The following DMD variants were observed in gnomAD, a reference collection of about 807,000 sequenced individuals.
DMD encodes the protein mutant dystrophin.
DMD carries 63 observed loss-of-function variants against 330.1 expected under a neutral mutation model. The ratio of observed to expected loss-of-function variants is 0.19; its 90% CI spans 0.16 to 0.24. The LOEUF (loss-of-function observed/expected upper bound fraction) is 0.24, where lower values mean the gene tolerates loss of function less well. Among genes scored for constraint, DMD ranks in the 10% least tolerant of loss-of-function variants. The pLI is 1.00. For synonymous variants in DMD, 1,223 were observed against 959.8 expected (o/e 1.27, Z -5.07); for missense variants, 3,344 against 2,684.1 (o/e 1.25, Z -5.43).
At chrX:32,841,315 C>T (rs748986508) in intron 4 of DMD, among the ~76,000 whole-genome samples, 1 of 111,282 alleles carries the variant, frequency 9.0e-6, no homozygotes, top group Non-Finnish European at 1.9e-5. Context: ...ATAGATTTAA[C>T]TCAATGTTAA....
At chrX:33,315,223 A>G (rs1346063006) in intron 1 of DMD, among the ~76,000 whole-genome samples, 1 of 112,520 alleles carries the variant, frequency 8.9e-6, no homozygotes, top group Admixed American at 9.4e-5. Flanking sequence ...TCAAATCTGC[A>G]AAGTAAACTT....
chrX:33,010,041 CACATGTGTATATAT>C (rs1287218575), intron 2 of DMD, among the ~76,000 whole-genome samples: 1 of 62,247 alleles, frequency 1.6e-5, no homozygotes, highest in Admixed American at 1.9e-4. Flanking sequence ...TGTGTATATA[CACATGTGTATATAT>C]ACGTGTATAT....
At chrX:32,551,077 A>G (rs939630443) in intron 16 of DMD, among the ~76,000 whole-genome samples, 3 of 111,419 alleles carry the variant, frequency 2.7e-5, no homozygotes, top group Admixed American at 9.6e-5. Context: ...AGCTGGTATC[A>G]TTCCTATGAA....
rs752682311 is a variant in DMD at position 32,876,555 on chromosome X, CA to C, written c.94-26736del. Among the ~76,000 whole-genome samples the C allele has an allele frequency of 6.8e-4, 76 of 111,370 alleles. 1 individual carries two copies. The East Asian group carries it at 0.014, about 20-fold the overall frequency. On this transcript the variant is annotated intron_variant, in intron 2 of 78. Coordinates refer to ENST00000357033, the MANE Select transcript of DMD (RefSeq NM_004006.3). ...CTTGCCATTCCTTTATAACCAACTC[CA>C]AAAAAAGTCCCTCCTGATCTTGCGG...
intron 2 of DMD, among the ~76,000 whole-genome samples, chrX:32,942,445 AG>A (rs372099877): frequency 2.0e-4 from 22 of 111,272 alleles, no homozygotes; most frequent in African/African-American, 7.2e-4. Context: ...TGGGAGGCTG[AG>A]GCAGAAGAAT....
intron 9 of DMD, among the ~76,000 whole-genome samples, chrX:32,653,292 T>C (rs763568823): frequency 8.9e-6 from 1 of 112,072 alleles, no homozygotes; most frequent in Non-Finnish European, 1.9e-5. Context: ...TGGTTTTAGG[T>C]CTAACATTTA....
chrX:32,428,827 G>T (rs186093512), intron 29 of DMD, among the ~76,000 whole-genome samples: 56 of 111,426 alleles, frequency 5.0e-4, no homozygotes, highest in Admixed American at 4.9e-3. Context: ...GCCCAGATTG[G>T]TCTCGAACTC....
At chrX:31,408,616 C>G (rs1323191844) in intron 60 of DMD, among the ~76,000 whole-genome samples, 1 of 111,332 alleles carries the variant, frequency 9.0e-6, no homozygotes, top group Admixed American at 9.5e-5. Context: ...CCAGGCTGGT[C>G]TCGAAGTCCT....
chrX:31,178,535 C>A, intron 70 of DMD, 134 bp downstream of exon 70: 2 of 966,088 alleles, frequency 2.1e-6, no homozygotes, highest in Non-Finnish European at 2.6e-6. Context: ...TTATTTTTCT[C>A]TTTTCAGCTA....
intron 59 of DMD, among the ~76,000 whole-genome samples, chrX:31,477,063 A>G (rs1351397444): frequency 1.8e-5 from 2 of 111,955 alleles, no homozygotes; most frequent in Non-Finnish European, 3.8e-5. Flanking sequence ...AAACAGGAGA[A>G]CAAATGAACT....
chrX:31,874,313 C>T (rs113968546), intron 48 of DMD, among the ~76,000 whole-genome samples: 2,947 of 110,893 alleles, frequency 0.027, 91 homozygotes, highest in African/African-American at 0.09. Flanking sequence ...CCAGACTATA[C>T]GGGGAGATTG....
intron 44 of DMD, among the ~76,000 whole-genome samples, chrX:32,182,692 A>G (rs920328948): frequency 8.9e-6 from 1 of 112,208 alleles, no homozygotes; most frequent in Admixed American, 9.5e-5. Context: ...CAATAAATGA[A>G]TGAAGCAAAT....
intron 28 of DMD, among the ~76,000 whole-genome samples, chrX:32,439,527 T>A (rs1372243835): frequency 2.7e-5 from 3 of 111,817 alleles, no homozygotes; most frequent in Non-Finnish European, 3.8e-5. Context: ...GGATACATTA[T>A]TTTATAAGTC....
At chrX:31,727,316 GA>G (rs1312463924) in intron 52 of DMD, among the ~76,000 whole-genome samples, 2 of 111,675 alleles carry the variant, frequency 1.8e-5, no homozygotes, top group Non-Finnish European at 3.8e-5. Context: ...ACTTGTTGGA[GA>G]ACCCTCAAGG....
intron 7 of DMD, among the ~76,000 whole-genome samples, chrX:32,802,488 G>A (rs2076647496): frequency 1.8e-5 from 2 of 111,493 alleles, no homozygotes; most frequent in Non-Finnish European, 3.8e-5. Context: ...GCCTGATTGT[G>A]CTGGCCAGAA....
At chrX:33,046,774 T>A (rs1295412682) in intron 1 of DMD, among the ~76,000 whole-genome samples, 3 of 112,557 alleles carry the variant, frequency 2.7e-5, no homozygotes, top group Non-Finnish European at 5.6e-5. Context: ...ATAATTGATA[T>A]CCTTTCCTAT....
intron 47 of DMD, among the ~76,000 whole-genome samples, chrX:31,880,793 C>T (rs1262943951): frequency 8.9e-6 from 1 of 112,394 alleles, no homozygotes; most frequent in Non-Finnish European, 1.9e-5. Context: ...AAACCTACTG[C>T]ACTGCCAGTT....
intron 15 of DMD, among the ~76,000 whole-genome samples, chrX:32,572,790 C>A: frequency 1.8e-5 from 2 of 110,736 alleles, no homozygotes; most frequent in Middle Eastern, 9.3e-3. Context: ...GGAGGTAGGG[C>A]CTGGTGGGAG....
At chrX:32,807,763 C>T (rs759416381) in intron 7 of DMD, among the ~76,000 whole-genome samples, 3 of 110,384 alleles carry the variant, frequency 2.7e-5, no homozygotes, top group African/African-American at 6.6e-5. Context: ...ATGTGGATGC[C>T]CATTTAGGCA....
Sources: gnomAD v4.1 joint callset for allele counts (sites outside exome capture counted in the v4.1 genomes callset) on GRCh38, gnomAD v4.1.1 for gene constraint, MANE v1.5 for transcripts, NCBI Gene and HGNC (gene_info 2026-07-23, HGNC 2026-07-21) for gene names.